Variants in VPS53 observed in about 807,000 individuals in gnomAD.
The protein encoded by VPS53 is vacuolar protein sorting-associated protein 53 homolog.
Under a neutral mutation model 107.0 loss-of-function variants are expected in VPS53, and 70 were observed. That is an observed-to-expected ratio of 0.65 (90% confidence interval 0.54 to 0.80). VPS53 has a LOEUF of 0.80. VPS53 is among the 30% of genes least tolerant of loss of function. The pLI, the probability that VPS53 is intolerant of heterozygous loss-of-function variation, is 0.00. For synonymous variants in VPS53, 409 were observed against 393.3 expected (o/e 1.04, Z -0.47); for missense variants, 917 against 1,049.4 (o/e 0.87, Z 1.74).
At chr17:521,495 G>T in intron 20 of VPS53, 106 bp downstream of exon 20, 1 of 1,255,094 alleles carries the variant, frequency 8.0e-7, no homozygotes, top group Non-Finnish European at 1.0e-6. Flanking sequence ...TGTGGACCAT[G>T]CTTTGAGGCC....
intron 19 of VPS53, among the ~76,000 whole-genome samples, chr17:528,673 A>C (rs545488788): frequency 6.3e-5 from 9 of 143,804 alleles, no homozygotes; most frequent in Admixed American, 2.2e-4. Context: ...ATCTTGGCTC[A>C]CTGCAATCTC....
chr17:637,245 T>C (rs1160504685), intron 7 of VPS53, among the ~76,000 whole-genome samples: 1 of 152,248 alleles, frequency 6.6e-6, no homozygotes, highest in Non-Finnish European at 1.5e-5. Flanking sequence ...TTTGTATTTC[T>C]GTGGGATCAG....
In VPS53 at chr17:697,429, C is replaced by A; in HGVS notation, c.274G>T (p.Asp92Tyr). The A allele has an allele frequency of 6.2e-7, 1 of 1,614,068 alleles. No homozygotes were observed. Among genetic ancestry groups the A allele is most frequent in the East Asian group, 2.2e-5 (1 of 44,892 alleles). ...VVRGQTNVGQ[D>Y]GRQALEEAQK... ...AATGAGTTACTTACTTGCCGTCCAT[C>A]CTGCCCCACGTTCGTCTGACCTCTT... The change falls in exon 4 of 22, where the codon GAT (aspartate) becomes TAT (tyrosine). Residue 92 changes from aspartate to tyrosine, a missense_variant. Coordinates refer to ENST00000437048, the MANE Select transcript of VPS53 (RefSeq NM_001128159.3).
In VPS53 at chr17:521,594, C is replaced by G. The variant is rs1287769545; in HGVS notation, c.2223+7G>C. The stretch of plus-strand genomic sequence containing the variant: ...AATAACTGGCCCCTTTTAACACAAG[C>G]CATCACCTTGAGGATCATCTCAGCC... On this transcript the variant is annotated splice_region_variant and intron_variant, in intron 20 of 21. Coordinates refer to ENST00000437048, the MANE Select transcript of VPS53 (RefSeq NM_001128159.3). 2.0e-6 allele frequency: 3 copies of G among 1,527,182 alleles called. No individual in the cohort carries two copies. In the East Asian group the frequency reaches 7.5e-5, roughly 38 times the overall value. The allele number at this position is 1,527,182 out of a possible 1,614,324, so 94.6% of individuals were successfully genotyped here.
chr17:588,766 A>G (rs1402498610), intron 12 of VPS53, among the ~76,000 whole-genome samples: 1 of 152,198 alleles, frequency 6.6e-6, no homozygotes, highest in Non-Finnish European at 1.5e-5. Context: ...TTGAGCTTGA[A>G]TCTGCCGGAT....
chr17:658,255 T>TACATCCCACTGAAGTG (rs1567715525), intron 5 of VPS53, among the ~76,000 whole-genome samples: 1 of 45,664 alleles, frequency 2.2e-5, no homozygotes, highest in Admixed American at 1.9e-4. Flanking sequence ...CGTGGATAGA[T>TACATCCCACTGAAGTG]AACATCCCAC....
rs74978628 is a variant in VPS53, at chr17:555,846, G to C, written c.1705-2384C>G. ...CAATTTATGGGAAATACGAGACAAA[G>C]TAAAATGTCCATTAATACTCGTGGG... is the stretch of plus-strand genomic sequence containing the variant. On this transcript the variant is annotated intron_variant, in intron 15 of 21. Transcript: ENST00000437048. Among the ~76,000 whole-genome samples the C allele has an allele frequency of 9.3e-3, 1,413 of 152,270 alleles. 27 individuals carry two copies. Among genetic ancestry groups the C allele is most frequent in the African/African-American group, 0.033 (1,352 of 41,546 alleles).
intron 5 of VPS53, chr17:657,388 T>A: frequency 1.2e-6 from 1 of 804,690 alleles, no homozygotes; most frequent in Non-Finnish European, 2.2e-6. Context: ...ATGCAAATCT[T>A]CTTAAGTCTG....
chr17:532,903 A>T lies in VPS53; in HGVS notation c.2024T>A (p.Ile675Asn). 6.2e-7 allele frequency: 1 copy of T among 1,613,872 alleles called. No homozygotes were observed. The highest frequency in any genetic ancestry group is 2.2e-5 in the East Asian group (1 of 44,888). Residue 675 changes from isoleucine to asparagine, a missense_variant, in exon 19 of 22, where the codon ATT becomes AAT. Physicochemically the swap from Ile to Asn is moderately radical, Grantham distance 149 (BLOSUM62 -3). Transcript: ENST00000437048. ...GAAGAGGTGGGTGATGAATTTGGGA[A>T]TGAAGGAGCTGTGGATAAAAAAGAA... ...QFCVKFANSFIPKFITHLFKC... is the reference protein window; with the variant it reads ...QFCVKFANSFNPKFITHLFKC...
intron 11 of VPS53, among the ~76,000 whole-genome samples, chr17:619,390 A>G (rs1180081440): frequency 7.1e-6 from 1 of 141,036 alleles, no homozygotes; most frequent in Non-Finnish European, 1.5e-5. Context: ...CCCCGCTAAT[A>G]TTTCCCGGGT....
intron 20 of VPS53, among the ~76,000 whole-genome samples, chr17:521,400 G>C (rs886701540): frequency 6.6e-6 from 1 of 152,162 alleles, no homozygotes; most frequent in South Asian, 2.1e-4. Flanking sequence ...AAATTCATTT[G>C]TCAGAAGGAA....
At chr17:647,780 A>T (rs980345441) in intron 7 of VPS53, among the ~76,000 whole-genome samples, 2 of 152,226 alleles carry the variant, frequency 1.3e-5, no homozygotes, top group African/African-American at 4.8e-5. Context: ...CCGGAGCGTC[A>T]GAAATAATAA....
At chr17:539,483 C>A (rs943918521) in intron 17 of VPS53, among the ~76,000 whole-genome samples, 1 of 152,210 alleles carries the variant, frequency 6.6e-6, no homozygotes, top group African/African-American at 2.4e-5. Flanking sequence ...AAACTTAAGT[C>A]AGCTTAGTCA....
chr17:594,410 G>A (rs1156393844), intron 12 of VPS53, among the ~76,000 whole-genome samples: 1 of 152,262 alleles, frequency 6.6e-6, no homozygotes, highest in African/African-American at 2.4e-5. Flanking sequence ...CTGCCTCAGC[G>A]AAATAGGGGT....
chr17:583,822 C>A (rs966407386), intron 13 of VPS53, among the ~76,000 whole-genome samples: 1 of 150,768 alleles, frequency 6.6e-6, no homozygotes, highest in African/African-American at 2.4e-5. Context: ...CCCAGAGAAC[C>A]TCCTTCAGAA....
chr17:526,936 C>T (rs564392364), intron 19 of VPS53, among the ~76,000 whole-genome samples: 1 of 152,354 alleles, frequency 6.6e-6, no homozygotes, highest in South Asian at 2.1e-4. Flanking sequence ...ATAGGTGAAC[C>T]ATATTGGTCC....
At position 662,492 on chromosome 17, in the gene VPS53, A is replaced by G. The variant is rs183561219; in HGVS notation, c.286-597T>C. On this transcript the variant is annotated intron_variant, in intron 4 of 21. Coordinates refer to ENST00000437048, the MANE Select transcript of VPS53 (RefSeq NM_001128159.3). ...ATCACGAGGTCAGGAGATCAAGACCATCCTGGCTAACACGGTGAAACCCCA... is the reference window on the plus strand; with the variant it reads ...ATCACGAGGTCAGGAGATCAAGACCGTCCTGGCTAACACGGTGAAACCCCA... 1.6e-3 allele frequency among the ~76,000 whole-genome samples: 241 copies of G among 152,124 alleles called. 1 individual carries two copies. The highest frequency in any genetic ancestry group is 3.7e-3 in the African/African-American group (153 of 41,516).
intron 13 of VPS53, among the ~76,000 whole-genome samples, chr17:569,612 G>T (rs2151862203): frequency 1.3e-5 from 2 of 152,268 alleles, no homozygotes; most frequent in East Asian, 3.9e-4. Context: ...CAGAAGAAAT[G>T]ATGTAGCTAG....
chr17:625,703 T>C (rs1969681277), intron 10 of VPS53, among the ~76,000 whole-genome samples: 1 of 152,188 alleles, frequency 6.6e-6, no homozygotes, highest in African/African-American at 2.4e-5. Flanking sequence ...GCTGTGAACC[T>C]AAAACTGCTC....
Sources: gnomAD v4.1 joint callset for allele counts (sites outside exome capture counted in the v4.1 genomes callset) on GRCh38, gnomAD v4.1.1 for gene constraint, MANE v1.5 for transcripts, NCBI Gene and HGNC (gene_info 2026-07-23, HGNC 2026-07-21) for gene names.